RNF150: variants seen among roughly 807,000 people sequenced by gnomAD.
The protein encoded by RNF150 is ring finger protein 150.
A neutral mutation model predicts 39.3 loss-of-function variants in RNF150; 24 were observed. The ratio of observed to expected loss-of-function variants is 0.61; its 90% confidence interval spans 0.44 to 0.86. The LOEUF is 0.86. Among genes scored for constraint, RNF150 ranks in the 40% least tolerant of loss-of-function variants. The pLI is 0.00. For missense variants in RNF150, 502 were observed against 587.8 expected (o/e 0.85, Z 1.51); for synonymous variants, 255 against 227.3 (o/e 1.12, Z -1.10).
chr4:141,034,432 A>G (rs914593379), intron 1 of RNF150, among the ~76,000 whole-genome samples: 1 of 152,124 alleles, frequency 6.6e-6, no homozygotes, highest in Non-Finnish European at 1.5e-5. Flanking sequence ...ATCAGCAAAA[A>G]TGGTGTTTTG....
intron 6 of RNF150, among the ~76,000 whole-genome samples, chr4:140,886,675 C>T (rs901367268): frequency 2.0e-5 from 3 of 152,222 alleles, no homozygotes; most frequent in East Asian, 3.9e-4. Context: ...TGGAGTGCAG[C>T]AACACAATCT....
chr4:140,862,430 A>T lies in RNF150; in HGVS notation c.*5831T>A, dbSNP rs1168145453. ...GGTGAAGAGAGATGTGACTGACCTT[A>T]GCAGGTTCTTGTAGAACAAGCAGGA... On this transcript the variant is annotated 3_prime_UTR_variant, in exon 7 of 7. Coordinates refer to ENST00000515673, the MANE Select transcript of RNF150 (RefSeq NM_020724.2). 6.6e-6 allele frequency: 1 copy of T among 152,008 alleles called. No individual in the cohort carries two copies. Among genetic ancestry groups the T allele is most frequent in the Non-Finnish European group, 1.5e-5 (1 of 68,044 alleles). 9.4% of individuals were successfully genotyped at this position (152,008 alleles called of 1,614,324 possible).
chr4:140,935,157 A>G (rs1346320655), intron 4 of RNF150, among the ~76,000 whole-genome samples: 2 of 148,514 alleles, frequency 1.3e-5, no homozygotes, highest in African/African-American at 4.9e-5. Flanking sequence ...GCATTGCGTT[A>G]GATTTATAGC....
rs534829150 is a variant in RNF150 at position 140,986,728 on chromosome 4, G to A, written c.485-18855C>T. ...TCAATAGTCCTTCTATGCAAATACC[G>A]TTTACTGTACAGCCAAGTAGTATAT... On this transcript the variant is annotated intron_variant, in intron 1 of 6. Transcript: ENST00000515673. Among the ~76,000 whole-genome samples, 28 of 151,996 alleles carry A rather than the reference G, an allele frequency of 1.8e-4. No homozygotes were observed. The South Asian group carries it at 2.7e-3, about 15-fold the overall frequency.
chr4:141,141,541 C>A (rs1727117302), intron 1 of RNF150, among the ~76,000 whole-genome samples: 1 of 152,184 alleles, frequency 6.6e-6, no homozygotes. Context: ...ATGGTTCATG[C>A]CTGTAATTCC....
chr4:141,202,676 ATTATTC>A (rs1247273934), intron 1 of RNF150, among the ~76,000 whole-genome samples: 2 of 152,064 alleles, frequency 1.3e-5, no homozygotes, highest in African/African-American at 2.4e-5. Context: ...TTACATTAGA[ATTATTC>A]TTATTAATTT....
rs201342835 is a variant in RNF150, at chr4:140,860,136, C to CTTTT, written c.*8121_*8124dup. 5 of 139,914 alleles carry CTTTT rather than the reference C, an allele frequency of 3.6e-5. No homozygotes were observed. The highest frequency in any genetic ancestry group is 4.5e-4 in the South Asian group (2 of 4,396). The allele number at this position is 139,914 out of a possible 1,614,324, so 8.7% of individuals were successfully genotyped here. A position where few individuals can be genotyped will look rare whatever the true frequency, so the allele number is the denominator to read the frequency against. Reference sequence around the variant, plus strand: ...AGACAAATTCCTTTAAAGACAGTTACTTTTTTTTTTTTTTCAATTTCTTTG... The same window carrying CTTTT: ...AGACAAATTCCTTTAAAGACAGTTACTTTTTTTTTTTTTTTTTTCAATTTCTTTG... On this transcript the variant is annotated 3_prime_UTR_variant, in exon 7 of 7. Coordinates refer to ENST00000515673, the MANE Select transcript of RNF150 (RefSeq NM_020724.2).
At chr4:141,178,346 T>C (rs887998536) in intron 1 of RNF150, among the ~76,000 whole-genome samples, 18 of 152,316 alleles carry the variant, frequency 1.2e-4, no homozygotes, top group African/African-American at 4.3e-4. Context: ...GCTGGCATAA[T>C]GGAGTCTTTT....
chr4:141,168,488 T>A lies in RNF150; in HGVS notation c.-6+44306A>T, dbSNP rs567851430. On this transcript the variant is annotated intron_variant, in intron 1 of 7. Coordinates refer to the RNF150 transcript ENST00000420921. ...TAAATCATGCTACTATAAAGACATA[T>A]GCACAGGTTTGTTTATTGCAGCACT... 5.1e-4 allele frequency among the ~76,000 whole-genome samples: 77 copies of A among 152,302 alleles called. 1 individual carries two copies. Among genetic ancestry groups the A allele is most frequent in the Middle Eastern group, 3.4e-3 (1 of 294 alleles).
At chr4:141,100,485 A>G (rs371951973) in intron 1 of RNF150, among the ~76,000 whole-genome samples, 1 of 152,212 alleles carries the variant, frequency 6.6e-6, no homozygotes, top group Admixed American at 6.5e-5. Context: ...AAGTAATGCT[A>G]TCAAGGACGT....
At chr4:141,045,538 T>TA (rs1736542599) in intron 1 of RNF150, among the ~76,000 whole-genome samples, 2 of 151,978 alleles carry the variant, frequency 1.3e-5, no homozygotes, top group South Asian at 4.1e-4. Flanking sequence ...TATTTTTATT[T>TA]TTTATTTATT....
intron 1 of RNF150, among the ~76,000 whole-genome samples, chr4:141,118,766 T>C (rs140854836): frequency 3.3e-5 from 5 of 151,962 alleles, no homozygotes; most frequent in African/African-American, 7.3e-5. Context: ...GAGTGAGTGA[T>C]TGATTGATTT....
At chr4:141,124,859 A>C (rs1166077143) in intron 1 of RNF150, among the ~76,000 whole-genome samples, 1 of 152,224 alleles carries the variant, frequency 6.6e-6, no homozygotes, top group Admixed American at 6.5e-5. Context: ...CAAACATTTA[A>C]TACAGAATTA....
intron 1 of RNF150, among the ~76,000 whole-genome samples, chr4:141,149,700 C>T (rs917772242): frequency 6.6e-6 from 1 of 152,136 alleles, no homozygotes; most frequent in African/African-American, 2.4e-5. Flanking sequence ...TATAAACATA[C>T]GTGTGCAAGT....
intron 1 of RNF150, among the ~76,000 whole-genome samples, chr4:141,177,036 C>T (rs531934078): frequency 2.8e-4 from 24 of 85,684 alleles, no homozygotes; most frequent in South Asian, 3.9e-4. Context: ...GGCAACATAA[C>T]AAGACCCTGT....
chr4:140,879,427 G>A (rs1227205832), intron 6 of RNF150, among the ~76,000 whole-genome samples: 2 of 152,104 alleles, frequency 1.3e-5, no homozygotes, highest in Non-Finnish European at 2.9e-5. Context: ...AGTTTTCAGT[G>A]TACAAGTCTT....
At chr4:140,908,604 T>G (rs548345634) in intron 6 of RNF150, among the ~76,000 whole-genome samples, 7 of 152,164 alleles carry the variant, frequency 4.6e-5, no homozygotes, top group Non-Finnish European at 1.0e-4. Flanking sequence ...AGATTGAACA[T>G]GTTTACCTCA....
rs17421358 is a variant in RNF150 at position 140,862,135 on chromosome 4, C to T, written c.*6126G>A. 0.11 allele frequency: 17,480 copies of T among 152,210 alleles called. 1,197 individuals are homozygous for T. Among genetic ancestry groups the T allele is most frequent in the South Asian group, 0.23 (1,095 of 4,816 alleles). The allele number at this position is 152,210 out of a possible 1,614,324, so 9.4% of individuals were successfully genotyped here. On this transcript the variant is annotated 3_prime_UTR_variant, in exon 7 of 7. Coordinates refer to ENST00000515673, the MANE Select transcript of RNF150 (RefSeq NM_020724.2). The stretch of plus-strand genomic sequence containing the variant: ...AAGCCTGTCACTTCACTAAGGATAA[C>T]AGACCACAGATATTCTGCCAAGCAA...
chr4:140,928,200 A>G (rs1464879734), intron 4 of RNF150, among the ~76,000 whole-genome samples: 5 of 152,206 alleles, frequency 3.3e-5, no homozygotes, highest in Non-Finnish European at 7.3e-5. Flanking sequence ...AATAATACAG[A>G]AGTAAAGTAC....
Sources: allele counts gnomAD v4.1 joint callset (sites outside exome capture counted in the v4.1 genomes callset), GRCh38; gene constraint gnomAD v4.1.1; transcripts MANE v1.5; gene names NCBI Gene and HGNC (gene_info 2026-07-23, HGNC 2026-07-21).